ZNF696: variants seen among roughly 807,000 people sequenced by gnomAD.
ZNF696 encodes zinc finger protein 696.
ZNF696 carries 10 observed loss-of-function variants against 12.3 expected under a neutral mutation model. The observed-to-expected ratio is 0.81, with a 90% CI of 0.50 to 1.38. The LOEUF is 1.38. Ranked by LOEUF, ZNF696 falls within the 40% of genes most tolerant of loss-of-function variation. The pLI is 0.00. For synonymous variants in ZNF696, 304 were observed against 243.9 expected (o/e 1.25, Z -2.29); for missense variants, 675 against 554.7 (o/e 1.22, Z -2.18).
chr8:143,297,112 T>G lies in ZNF696; in HGVS notation c.*312T>G. The G allele has an allele frequency of 3.6e-6, 1 of 277,884 alleles. No homozygotes were observed. Among genetic ancestry groups the G allele is most frequent in the East Asian group, 6.2e-5 (1 of 16,228 alleles). The allele number at this position is 277,884 out of a possible 1,614,324, so 17.2% of individuals were successfully genotyped here. A position where few individuals can be genotyped will look rare whatever the true frequency, so the allele number is the denominator to read the frequency against. On this transcript the variant is annotated 3_prime_UTR_variant, in exon 3 of 3. Coordinates refer to ENST00000330143, the MANE Select transcript of ZNF696 (RefSeq NM_030895.3). The stretch of plus-strand genomic sequence containing the variant: ...CCCACGGTCAGCTGCTGCGGGGCAG[T>G]GGCCGGTGATTGAATCGGTCATTCC...
At chr8:143,295,137 G>A (rs2129735685) in intron 2 of ZNF696, among the ~76,000 whole-genome samples, 1 of 152,222 alleles carries the variant, frequency 6.6e-6, no homozygotes, top group East Asian at 1.9e-4. Flanking sequence ...GGCTCTGTTG[G>A]GTGCCACTGT....
intron 2 of ZNF696, 178 bp downstream of exon 2, chr8:143,293,243 TG>T: frequency 1.7e-6 from 1 of 603,210 alleles, no homozygotes; most frequent in Non-Finnish European, 2.9e-6. Context: ...GTTTGGTGAC[TG>T]TCTTTGCCAG....
intron 2 of ZNF696, among the ~76,000 whole-genome samples, chr8:143,294,596 G>A (rs1165185841): frequency 6.6e-6 from 1 of 151,984 alleles, no homozygotes; most frequent in Non-Finnish European, 1.5e-5. Context: ...TTGATCTCTT[G>A]ACCTCGTGAA....
In ZNF696 at chr8:143,295,620, G is replaced by T. The variant is rs1815694635; in HGVS notation, c.65-120G>T. On this transcript the variant is annotated intron_variant, in intron 2 of 2. Transcript: ENST00000330143. ...GGGAACTGAATGGGCAAAATCAAAGGTGTCTGTGGCACACTGACGTCACCA... is the reference window on the plus strand; with the variant it reads ...GGGAACTGAATGGGCAAAATCAAAGTTGTCTGTGGCACACTGACGTCACCA... 11 of 1,138,828 alleles carry T rather than the reference G, an allele frequency of 9.7e-6. No homozygotes were observed. In the Admixed American group the frequency reaches 1.1e-4, roughly 11 times the overall value. 70.5% of individuals were successfully genotyped at this position (1,138,828 alleles called of 1,614,324 possible).
rs763152327 is a variant in ZNF696 at position 143,295,789 on chromosome 8, C to T, written c.114C>T (p.Ala38=). 1.2e-6 allele frequency: 2 copies of T among 1,604,612 alleles called. No individual in the cohort carries two copies. The highest frequency in any genetic ancestry group is 1.7e-5 in the Admixed American group (1 of 58,816). Residue 38 remains alanine, a synonymous_variant, in exon 3 of 3, where the codon GCC becomes GCT. Transcript: ENST00000330143. ...LAQAPSGSRS[A]EVQAAQSTEP... is the part of the protein sequence containing the mutation. ...AGGCCCCGAGTGGCAGCCGGTCAGC[C>T]GAGGTGCAGGCAGCTCAGAGCACGG...
chr8:143,297,218 A>T lies in ZNF696; in HGVS notation c.*418A>T. ...GTTGGTGAAGGCGGGGTGGGGGGGCAGTTAGGAAGGGGGCGCCCAGACAGG... is the reference window on the plus strand; with the variant it reads ...GTTGGTGAAGGCGGGGTGGGGGGGCTGTTAGGAAGGGGGCGCCCAGACAGG... On this transcript the variant is annotated 3_prime_UTR_variant, in exon 3 of 3. Transcript: ENST00000330143. 1 of 138,490 alleles carries T rather than the reference A, an allele frequency of 7.2e-6. No individual in the cohort carries two copies. Among genetic ancestry groups the T allele is most frequent in the Non-Finnish European group, 1.5e-5 (1 of 64,572 alleles). 8.6% of individuals were successfully genotyped at this position (138,490 alleles called of 1,614,324 possible).
At position 143,291,438 on chromosome 8, in the gene ZNF696, C is replaced by T. The variant is rs1197279654; in HGVS notation, c.-360C>T. 5.1e-6 allele frequency: 5 copies of T among 985,566 alleles called. No individual in the cohort carries two copies. Among genetic ancestry groups the T allele is most frequent in the Non-Finnish European group, 6.0e-6 (5 of 830,082 alleles). The allele number at this position is 985,566 out of a possible 1,614,324, so 61.1% of individuals were successfully genotyped here. ...GACCGTAGCGGGTGCAGTCCAGCTGCTCTGGACGCTGAGGCCCCGGCTTCT... is the reference window on the plus strand; with the variant it reads ...GACCGTAGCGGGTGCAGTCCAGCTGTTCTGGACGCTGAGGCCCCGGCTTCT... On this transcript the variant is annotated 5_prime_UTR_variant, in exon 1 of 3. Transcript: ENST00000330143.
Position 143,296,664 on chromosome 8 carries a change from T to C in ZNF696, c.989T>C (p.Phe330Ser). 1.9e-6 allele frequency: 3 copies of C among 1,574,764 alleles called. No individual in the cohort carries two copies. The highest frequency in any genetic ancestry group is 2.6e-6 in the Non-Finnish European group (3 of 1,167,368). ...PHQCGHCGRAFRALSGFFRHQ... is the reference protein window; with the variant it reads ...PHQCGHCGRASRALSGFFRHQ... ...CAGTGCGGCCACTGCGGGCGCGCGT[T>C]CCGGGCGCTGTCGGGCTTCTTCCGG... Residue 330 changes from phenylalanine to serine, a missense_variant, in exon 3 of 3, where the codon TTC becomes TCC. Transcript: ENST00000330143.
At chr8:143,293,800 G>A (rs1815663884) in intron 2 of ZNF696, among the ~76,000 whole-genome samples, 1 of 152,218 alleles carries the variant, frequency 6.6e-6, no homozygotes, top group Non-Finnish European at 1.5e-5. Context: ...CTCTGCCAAG[G>A]GGCTTCTGTT....
Position 143,296,612 on chromosome 8 carries a change from C to T in ZNF696, c.937C>T (p.Arg313Cys). 6.3e-7 allele frequency: 1 copy of T among 1,586,250 alleles called. No homozygotes were observed. Among genetic ancestry groups the T allele is most frequent in the South Asian group, 1.1e-5 (1 of 89,226 alleles). Reference sequence around the variant, plus strand: ...CAGCTCCTTCCTCCGCGAGCACCGCCGCATCCACACCGGGGAGAAGCCCCA... The same window carrying T: ...CAGCTCCTTCCTCCGCGAGCACCGCTGCATCCACACCGGGGAGAAGCCCCA... ...SRSSFLREHR[R>C]IHTGEKPHQC... is the part of the protein sequence containing the mutation. Residue 313 changes from arginine (R) to cysteine (C), a missense_variant, in exon 3 of 3, where the codon CGC becomes TGC. Physicochemically the swap from Arg to Cys is radical, Grantham distance 180. Coordinates refer to ENST00000330143, the MANE Select transcript of ZNF696 (RefSeq NM_030895.3).
intron 2 of ZNF696, 36 bp downstream of exon 2, chr8:143,293,101 C>T (rs1429626146): frequency 6.4e-7 from 1 of 1,565,234 alleles, no homozygotes; most frequent in African/African-American, 1.4e-5. Context: ...CCCAGAGTTC[C>T]AGGGCAGGAA....
chr8:143,292,600 A>G (rs1815645791), intron 1 of ZNF696, among the ~76,000 whole-genome samples: 1 of 152,236 alleles, frequency 6.6e-6, no homozygotes, highest in African/African-American at 2.4e-5. Context: ...TATAACTACC[A>G]AGAAAATTTT....
chr8:143,295,816 G>C lies in ZNF696; in HGVS notation c.141G>C (p.Glu47Asp), dbSNP rs1418704612. 1 of 1,598,288 alleles carries C rather than the reference G, an allele frequency of 6.3e-7. No homozygotes were observed. ...SAEVQAAQST[E>D]PAAEAGAPEG... ...AGGTGCAGGCAGCTCAGAGCACGGA[G>C]CCTGCCGCAGAGGCAGGCGCTCCCG... Residue 47 changes from glutamate to aspartate, a missense_variant, in exon 3 of 3, where the codon GAG (glutamate) becomes GAC (aspartate). Coordinates refer to ENST00000330143, the MANE Select transcript of ZNF696 (RefSeq NM_030895.3).
Position 143,295,878 on chromosome 8 carries a change from T to TG in ZNF696, c.207dup (p.Ser70ValfsTer6), listed in dbSNP as rs1563744605. The stretch of plus-strand genomic sequence containing the variant: ...CACAGAGGGGGGCCTCCCCGGGCGT[T>TG]GGGGTCTCTTGGCCTTTGTGAAAAC... On this transcript the variant is annotated frameshift_variant, in exon 3 of 3. Transcript: ENST00000330143. LOFTEE classifies it low-confidence loss of function (END_TRUNC). 1 of 1,563,212 alleles carries TG rather than the reference T, an allele frequency of 6.4e-7. No individual in the cohort carries two copies. Among genetic ancestry groups the TG allele is most frequent in the Non-Finnish European group, 8.7e-7 (1 of 1,153,128 alleles).
At chr8:143,292,908 C>T in intron 1 of ZNF696, 64 bp from the exon 2 acceptor site, 9 of 1,435,756 alleles carry the variant, frequency 6.3e-6, no homozygotes, top group Non-Finnish European at 8.5e-6. Context: ...TCTGACCTCA[C>T]TGCCCCTGGC....
In ZNF696 at chr8:143,296,423, T is replaced by C; in HGVS notation, c.748T>C (p.Ser250Pro). Residue 250 changes from serine (S) to proline (P), a missense_variant, in exon 3 of 3, where the codon TCG becomes CCG. By Grantham distance (74) the Ser-to-Pro change is moderately conservative (BLOSUM62 -1). Coordinates refer to ENST00000330143, the MANE Select transcript of ZNF696 (RefSeq NM_030895.3). ...GECGKRFLHSSNVVRHRRTHH... is the reference protein window; with the variant it reads ...GECGKRFLHSPNVVRHRRTHH... The stretch of plus-strand genomic sequence containing the variant: ...GTGCGGGAAGCGCTTCCTGCACAGC[T>C]CGAACGTGGTCCGGCACCGGCGGAC... 6.2e-7 allele frequency: 1 copy of C among 1,604,090 alleles called. No homozygotes were observed. The highest frequency in any genetic ancestry group is 8.5e-7 in the Non-Finnish European group (1 of 1,177,576).
At chr8:143,293,813 G>A (rs1815664087) in intron 2 of ZNF696, among the ~76,000 whole-genome samples, 1 of 152,252 alleles carries the variant, frequency 6.6e-6, no homozygotes, top group Non-Finnish European at 1.5e-5. Context: ...CTTCTGTTCT[G>A]CAGGCCGCCC....
In ZNF696 at chr8:143,297,625, G is replaced by A. The variant is rs1466106733; in HGVS notation, c.*825G>A. ...AGATCTGGGCACTGTACTTTAGCCT[G>A]GGCGACAGAGAGACCCATCTCAAAA... On this transcript the variant is annotated 3_prime_UTR_variant, in exon 3 of 3. Transcript: ENST00000330143. 5.9e-5 allele frequency: 9 copies of A among 152,338 alleles called. No homozygotes were observed. The highest frequency in any genetic ancestry group is 4.6e-4 in the Admixed American group (7 of 15,292). The allele number at this position is 152,338 out of a possible 1,614,324, so 9.4% of individuals were successfully genotyped here.
Position 143,297,873 on chromosome 8 carries a change from CAT to C in ZNF696, c.*1074_*1075del, listed in dbSNP as rs1486051253. On this transcript the variant is annotated 3_prime_UTR_variant, in exon 3 of 3. Transcript: ENST00000330143. ...TGGTGTGGAGGGAAAGGCTTACACA[CAT>C]GTGATTTCAGAAGCGTTCTGTGGGT... 7 of 152,090 alleles carry C rather than the reference CAT, an allele frequency of 4.6e-5. No homozygotes were observed. The highest frequency in any genetic ancestry group is 1.3e-4 in the Admixed American group (2 of 15,268). 9.4% of individuals were successfully genotyped at this position (152,090 alleles called of 1,614,324 possible). A position where few individuals can be genotyped will look rare whatever the true frequency, so the allele number is the denominator to read the frequency against.
Sources: gnomAD v4.1 joint callset for allele counts (sites outside exome capture counted in the v4.1 genomes callset) on GRCh38, gnomAD v4.1.1 for gene constraint, MANE v1.5 for transcripts, NCBI Gene and HGNC (gene_info 2026-07-23, HGNC 2026-07-21) for gene names.